Variants in TRIP12 observed in about 807,000 individuals in gnomAD.
TRIP12 encodes the protein thyroid hormone receptor interactor 12.
A neutral mutation model predicts 244.2 loss-of-function variants in TRIP12; 25 were observed. The observed-to-expected ratio is 0.10, with a 90% CI of 0.07 to 0.14. TRIP12 has a LOEUF of 0.14. Among genes scored for constraint, TRIP12 ranks in the 10% least tolerant of loss-of-function variants. TRIP12 has a pLI of 1.00. For missense variants in TRIP12, 1,677 were observed against 2,486.4 expected (o/e 0.67, Z 6.92); for synonymous variants, 905 against 873.1 (o/e 1.04, Z -0.64).
intron 39 of TRIP12, 124 bp downstream of exon 39, chr2:229,771,395 T>C (rs1045461519): frequency 1.5e-6 from 1 of 669,048 alleles, no homozygotes; most frequent in Admixed American, 2.8e-5. Context: ...CAAACATCCA[T>C]CCCCTGCTAT....
At chr2:229,809,903 C>T (rs2046849307) in intron 15 of TRIP12, among the ~76,000 whole-genome samples, 1 of 152,208 alleles carries the variant, frequency 6.6e-6, no homozygotes, top group African/African-American at 2.4e-5. Context: ...TATACTGTCT[C>T]AGACAGTACG....
chr2:229,878,208 C>CT (rs1560066458), intron 2 of TRIP12, among the ~76,000 whole-genome samples: 1 of 152,070 alleles, frequency 6.6e-6, no homozygotes, highest in Admixed American at 6.6e-5. Flanking sequence ...TCCGAGCACT[C>CT]TGAGGCCAAG....
intron 21 of TRIP12, 65 bp downstream of exon 21, chr2:229,802,187 A>C (rs2044561353): frequency 7.5e-7 from 1 of 1,337,168 alleles, no homozygotes; most frequent in African/African-American, 1.5e-5. Flanking sequence ...TCCCTATATG[A>C]TTCTTAGGTA....
chr2:229,883,360 T>C (rs532516287), intron 1 of TRIP12, among the ~76,000 whole-genome samples: 5 of 152,370 alleles, frequency 3.3e-5, no homozygotes, highest in Non-Finnish European at 5.9e-5. Flanking sequence ...GAATATTCTG[T>C]ACTGACTTGA....
At chr2:229,843,486 G>T (rs973955981) in intron 4 of TRIP12, among the ~76,000 whole-genome samples, 10 of 152,172 alleles carry the variant, frequency 6.6e-5, no homozygotes, top group Non-Finnish European at 1.5e-4. Flanking sequence ...CAGCACTTTG[G>T]GAGGCCAAGG....
chr2:229,896,707 T>G (rs2154366202), intron 1 of TRIP12, among the ~76,000 whole-genome samples: 1 of 152,260 alleles, frequency 6.6e-6, no homozygotes, highest in African/African-American at 2.4e-5. Context: ...ATTATCAGAC[T>G]AGGCTTTTAA....
At chr2:229,824,382 A>T (rs781357066) in intron 8 of TRIP12, among the ~76,000 whole-genome samples, 1 of 152,192 alleles carries the variant, frequency 6.6e-6, no homozygotes, top group Non-Finnish European at 1.5e-5. Flanking sequence ...AATGGGGGGG[A>T]GTTTGCAACA....
intron 1 of TRIP12, among the ~76,000 whole-genome samples, chr2:229,885,736 G>T (rs777848108): frequency 6.6e-6 from 1 of 152,130 alleles, no homozygotes; most frequent in African/African-American, 2.4e-5. Context: ...AAAGCACTGA[G>T]AGGTGCTGAG....
upstream of TRIP12, chr2:229,922,713 G>C: frequency 8.4e-7 from 1 of 1,184,382 alleles, no homozygotes. Context: ...TAGCCCGCCG[G>C]AAGCGCCCAG....
At position 229,795,395 on chromosome 2, in the gene TRIP12, G is replaced by A. The variant is rs1318183823; in HGVS notation, c.3817-65C>T. On this transcript the variant is annotated intron_variant, in intron 25 of 41. Coordinates refer to ENST00000675903, the MANE Select transcript of TRIP12 (RefSeq NM_001348323.3). ...TTCAAAACAAAAGTCTCCTCAAAGA[G>A]AAGATTTAATAAGCAGCTTTATAAA... The A allele has an allele frequency of 2.0e-6, 3 of 1,528,318 alleles. No homozygotes were observed. In the African/African-American group the frequency reaches 4.2e-5, roughly 21 times the overall value. The allele number at this position is 1,528,318 out of a possible 1,614,324, so 94.7% of individuals were successfully genotyped here.
In TRIP12 at chr2:229,795,325, A is replaced by G. The variant is rs1408272166; in HGVS notation, c.3822T>C (p.Pro1274=). The change falls in exon 26 of 42, where the codon CCT becomes CCC. Residue 1274 remains proline (P), a synonymous_variant. Transcript: ENST00000675903. ...FLHVFFSSPL[P]GEEPIGRVEP... ...CCACTCTTCCAATGGGCTCTTCTCC[A>G]GGAAGCTAAAGTTATAAATAAACAA... The G allele has an allele frequency of 6.2e-7, 1 of 1,612,060 alleles. No homozygotes were observed. The highest frequency in any genetic ancestry group is 1.1e-5 in the South Asian group (1 of 90,642).
chr2:229,818,248 TCTTAA>T lies in TRIP12; in HGVS notation c.1599+111_1599+115del. The T allele has an allele frequency of 2.6e-6, 3 of 1,158,924 alleles. No individual in the cohort carries two copies. In the South Asian group the frequency reaches 4.7e-5, roughly 18 times the overall value. 71.8% of individuals were successfully genotyped at this position (1,158,924 alleles called of 1,614,324 possible). On this transcript the variant is annotated intron_variant, in intron 9 of 41. Coordinates refer to ENST00000675903, the MANE Select transcript of TRIP12 (RefSeq NM_001348323.3). ...ACAAGCACCAAGTCATATACTCCTC[TCTTAA>T]CTCTATCATGTTTTAAAAATTAATA... is the stretch of plus-strand genomic sequence containing the variant.
Position 229,860,535 on chromosome 2 carries a change from T to C in TRIP12, c.99-4A>G. The C allele has an allele frequency of 1.9e-6, 3 of 1,585,202 alleles. No individual in the cohort carries two copies. Among genetic ancestry groups the C allele is most frequent in the Non-Finnish European group, 2.6e-6 (3 of 1,167,588 alleles). On this transcript the variant is annotated splice_region_variant and splice_polypyrimidine_tract_variant and intron_variant, in intron 2 of 41. Coordinates refer to ENST00000675903, the MANE Select transcript of TRIP12 (RefSeq NM_001348323.3). ...TTTTGCCTGCCCTAAATGTGACCTG[T>C]CAGCAGAAAATCAAAACAGAAATCT... is the stretch of plus-strand genomic sequence containing the variant.
chr2:229,829,224 C>G lies in TRIP12; in HGVS notation c.1419G>C (p.Gln473His). Residue 473 changes from glutamine to histidine, a missense_variant, in exon 8 of 42, where the codon CAG (glutamine) becomes CAC (histidine). By Grantham distance (24) the Gln-to-His change is conservative (BLOSUM62 0). Around this residue, in one of 11 missense-constraint regions of TRIP12, gnomAD observed 143 missense variants for 215.6 expected, o/e 0.66. Transcript: ENST00000675903. ...CACTTCCAATTGTTCTATGGAAAAG[C>G]TGTGACATCCGAGGACCAAGAGGAC... ...LFGPLGPRMSQLFHRTIGSGA... is the reference protein window; with the variant it reads ...LFGPLGPRMSHLFHRTIGSGA... 1 of 1,613,898 alleles carries G rather than the reference C, an allele frequency of 6.2e-7. No individual in the cohort carries two copies. Among genetic ancestry groups the G allele is most frequent in the Non-Finnish European group, 8.5e-7 (1 of 1,179,942 alleles).
chr2:229,878,785 T>C (rs1271997131), intron 2 of TRIP12, among the ~76,000 whole-genome samples: 2 of 151,854 alleles, frequency 1.3e-5, no homozygotes, highest in African/African-American at 4.8e-5. Flanking sequence ...GGTTTCACCA[T>C]GTTAGCCAGG....
At chr2:229,795,443 C>CT (rs973937584) in intron 25 of TRIP12, 113 bp from the exon 26 acceptor site, 2 of 1,270,752 alleles carry the variant, frequency 1.6e-6, no homozygotes, top group Non-Finnish European at 2.1e-6. Flanking sequence ...GTCTATTCAT[C>CT]TTTATCTTTT....
chr2:229,917,517 C>G (rs767075373), intron 1 of TRIP12, among the ~76,000 whole-genome samples: 3 of 151,056 alleles, frequency 2.0e-5, no homozygotes, highest in African/African-American at 4.9e-5. Context: ...GGCCTGGACT[C>G]TCCTCAGGCT....
intron 1 of TRIP12, among the ~76,000 whole-genome samples, chr2:229,916,501 G>T (rs1221395168): frequency 1.3e-5 from 2 of 150,956 alleles, no homozygotes; most frequent in Non-Finnish European, 2.9e-5. Flanking sequence ...GTTGCAGTGA[G>T]CCGAGATCGC....
chr2:229,910,183 C>G (rs540447509), intron 1 of TRIP12, among the ~76,000 whole-genome samples: 2 of 152,306 alleles, frequency 1.3e-5, no homozygotes, highest in East Asian at 3.9e-4. Flanking sequence ...CCTAACTTTA[C>G]AACTGTCTGA....
Sources: allele counts gnomAD v4.1 joint callset (sites outside exome capture counted in the v4.1 genomes callset), GRCh38; gene constraint gnomAD v4.1.1; regional missense constraint gnomAD v4.1.1; transcripts MANE v1.5; gene names NCBI Gene and HGNC (gene_info 2026-07-23, HGNC 2026-07-21).